Variants in MTG1 observed in about 807,000 individuals in gnomAD.
MTG1 encodes the protein mitochondrial ribosome-associated GTPase 1.
MTG1 carries 30 observed loss-of-function variants against 39.5 expected under a neutral mutation model. The ratio of observed to expected loss-of-function variants is 0.76; its 90% CI spans 0.57 to 1.03. MTG1 has a LOEUF of 1.03. MTG1 is among the 50% of genes least tolerant of loss of function. The pLI is 0.00. For synonymous variants in MTG1, 217 were observed against 179.0 expected (o/e 1.21, Z -1.69); for missense variants, 513 against 447.4 (o/e 1.15, Z -1.32).
chr10:133,396,962 C>T (rs931824545), intron 3 of MTG1, among the ~76,000 whole-genome samples: 6 of 152,096 alleles, frequency 3.9e-5, no homozygotes, highest in Non-Finnish European at 7.4e-5. Flanking sequence ...CTTAGCAGAC[C>T]GGGAAAGGGA....
At chr10:133,395,534 G>A (rs1849769360) in intron 1 of MTG1, among the ~76,000 whole-genome samples, 179 bp from the exon 2 acceptor site, 2 of 152,226 alleles carry the variant, frequency 1.3e-5, no homozygotes, top group East Asian at 3.8e-4. Context: ...CTCCGAGGGT[G>A]CGGACCTTGG....
At chr10:133,418,058 C>T (rs535011381) in intron 9 of MTG1, among the ~76,000 whole-genome samples, 2 of 152,334 alleles carry the variant, frequency 1.3e-5, no homozygotes, top group African/African-American at 2.4e-5. Flanking sequence ...GGCTACAGTG[C>T]AGTGGCACAA....
intron 1 of MTG1, chr10:133,394,597 T>A: frequency 7.7e-7 from 1 of 1,302,494 alleles, no homozygotes; most frequent in Non-Finnish European, 9.7e-7. Flanking sequence ...ACCTCCTACC[T>A]CTGGCCCGCC....
chr10:133,402,258 TGGGG>T lies in MTG1; in HGVS notation c.670+14_670+17del. ...CTGGCCCTGTGTGGTGAGCCGGGGC[TGGGG>T]CTGGGGCTGGGGCTGGGACCGGGGC... is the stretch of plus-strand genomic sequence containing the variant. On this transcript the variant is annotated intron_variant, in intron 8 of 10. Transcript: ENST00000317502. The surrounding 1 kb of genome is among the most constrained non-coding windows in gnomAD (Gnocchi z 4.7). The T allele has an allele frequency of 2.6e-6, 2 of 775,906 alleles. No individual in the cohort carries two copies. The highest frequency in any genetic ancestry group is 8.3e-5 in the African/African-American group (2 of 24,020). The allele number at this position is 775,906 out of a possible 1,614,324, so 48.1% of individuals were successfully genotyped here.
Position 133,402,696 on chromosome 10 carries a change from G to T in MTG1, c.675G>T (p.Thr225=), listed in dbSNP as rs752267174. The change falls in exon 9 of 11, where the codon ACG becomes ACT. Residue 225 remains threonine (T), a synonymous_variant. Transcript: ENST00000317502. The surrounding 1 kb of genome is among the most constrained non-coding windows in gnomAD (Gnocchi z 4.7). ...ETGLKLALCG[T]VLDHLVGEET... ...CCTCGGCTGCTGCTTCCACAGGAACGGTGCTGGACCACCTGGTCGGGGAGG... is the reference window on the plus strand; with the variant it reads ...CCTCGGCTGCTGCTTCCACAGGAACTGTGCTGGACCACCTGGTCGGGGAGG... 38 of 1,604,902 alleles carry T rather than the reference G, an allele frequency of 2.4e-5. No homozygotes were observed. The highest frequency in any genetic ancestry group is 3.3e-4 in the Middle Eastern group (2 of 5,978).
intron 9 of MTG1, among the ~76,000 whole-genome samples, chr10:133,413,461 C>T (rs1398093578): frequency 6.6e-6 from 1 of 152,140 alleles, no homozygotes; most frequent in Non-Finnish European, 1.5e-5. Flanking sequence ...GCCATGTTGG[C>T]CAGGCTGGTC....
Position 133,399,176 on chromosome 10 carries a change from C to G in MTG1, c.370C>G (p.Pro124Ala), listed in dbSNP as rs774612117. 1.2e-6 allele frequency: 2 copies of G among 1,614,146 alleles called. No individual in the cohort carries two copies. The highest frequency in any genetic ancestry group is 1.3e-5 in the African/African-American group (1 of 75,036). ...VKDENVKQII[P>A]MVTELIGRSH... is the part of the protein sequence containing the mutation. The stretch of plus-strand genomic sequence containing the variant: ...GAGTGGGTGTTTGTTGCAGATCATC[C>G]CGATGGTCACTGAACTGATTGGGAG... Residue 124 changes from proline to alanine, a missense_variant, in exon 5 of 11, where the codon CCG (proline) becomes GCG (alanine). By Grantham distance (27) the Pro-to-Ala change is conservative. Coordinates refer to ENST00000317502, the MANE Select transcript of MTG1 (RefSeq NM_138384.4).
rs188885101 is a variant in MTG1, at chr10:133,395,617, A to T, written c.113-96A>T. ...CCCTCAGATATAGTCTTTTTAGGTT[A>T]TTTATGGTGGCGTGTCATTCTGGAC... is the stretch of plus-strand genomic sequence containing the variant. On this transcript the variant is annotated intron_variant, in intron 1 of 10. Transcript: ENST00000317502. 4 of 1,147,324 alleles carry T rather than the reference A, an allele frequency of 3.5e-6. No homozygotes were observed. In the East Asian group the frequency reaches 9.8e-5, roughly 28 times the overall value. The allele number at this position is 1,147,324 out of a possible 1,614,324, so 71.1% of individuals were successfully genotyped here.
intron 9 of MTG1, among the ~76,000 whole-genome samples, chr10:133,412,429 C>G (rs185526781): frequency 6.6e-6 from 1 of 152,240 alleles, no homozygotes; most frequent in Non-Finnish European, 1.5e-5. Flanking sequence ...ATTCTATTAG[C>G]TCTTTGTAGA....
intron 9 of MTG1, among the ~76,000 whole-genome samples, chr10:133,417,733 A>T (rs1181188713): frequency 2.6e-5 from 4 of 152,208 alleles, no homozygotes. Flanking sequence ...ATACACCAAT[A>T]ACAGACAAAC....
chr10:133,405,147 C>T (rs971660052), intron 9 of MTG1, among the ~76,000 whole-genome samples: 5 of 152,078 alleles, frequency 3.3e-5, no homozygotes, highest in African/African-American at 1.2e-4. Flanking sequence ...AGTCTCTGAC[C>T]CGTGAATATA....
rs752671118 is a variant in MTG1, at chr10:133,419,521, T to C, written c.794T>C (p.Val265Ala). The C allele has an allele frequency of 1.2e-6, 2 of 1,609,494 alleles. No homozygotes were observed. The highest frequency in any genetic ancestry group is 1.7e-5 in the Admixed American group (1 of 59,524). Reference sequence around the variant, plus strand: ...GGCCTGGGCAGTGCCTGTGACAACGTAGAGCGCGTGCTGAAGAGTGTGGCT... The same window carrying C: ...GGCCTGGGCAGTGCCTGTGACAACGCAGAGCGCGTGCTGAAGAGTGTGGCT... ...HYGLGSACDN[V>A]ERVLKSVAVK... is the part of the protein sequence containing the mutation. Residue 265 changes from valine (V) to alanine (A), a missense_variant, in exon 10 of 11, where the codon GTA (valine) becomes GCA (alanine). Physicochemically the swap from Val to Ala is moderately conservative, Grantham distance 64. Coordinates refer to ENST00000317502, the MANE Select transcript of MTG1 (RefSeq NM_138384.4).
Position 133,401,284 on chromosome 10 carries a change from C to G in MTG1, c.512-245C>G, listed in dbSNP as rs890459860. The G allele has an allele frequency of 4.4e-4, 186 of 424,202 alleles. 1 individual carries two copies. Among genetic ancestry groups the G allele is most frequent in the Non-Finnish European group, 3.3e-4 (79 of 239,500 alleles). The allele number at this position is 424,202 out of a possible 1,614,324, so 26.3% of individuals were successfully genotyped here. A position where few individuals can be genotyped will look rare whatever the true frequency, so the allele number is the denominator to read the frequency against. On this transcript the variant is annotated intron_variant, in intron 6 of 10. Coordinates refer to ENST00000317502, the MANE Select transcript of MTG1 (RefSeq NM_138384.4). ...CTGTGTGGCTTGGAAAGTGCCCTTG[C>G]TGTGAGCTGGTTTGTGACTGAAAGT...
chr10:133,394,773 TCTC>T (rs1190708733), intron 1 of MTG1: 3 of 979,894 alleles, frequency 3.1e-6, no homozygotes, highest in Admixed American at 6.1e-5. Flanking sequence ...CTTGAGTCGT[TCTC>T]CTGCTTAACG....
At position 133,402,704 on chromosome 10, in the gene MTG1, A is replaced by C; in HGVS notation, c.683A>C (p.Asp228Ala). 2.5e-6 allele frequency: 4 copies of C among 1,606,938 alleles called. No homozygotes were observed. Among genetic ancestry groups the C allele is most frequent in the Non-Finnish European group, 3.4e-6 (4 of 1,177,110 alleles). Residue 228 changes from aspartate (D) to alanine (A), a missense_variant, in exon 9 of 11, where the codon GAC becomes GCC. Transcript: ENST00000317502. The surrounding 1 kb of genome is among the most constrained non-coding windows in gnomAD (Gnocchi z 4.7). ...GCTGCTTCCACAGGAACGGTGCTGGACCACCTGGTCGGGGAGGAGACCATG... is the reference window on the plus strand; with the variant it reads ...GCTGCTTCCACAGGAACGGTGCTGGCCCACCTGGTCGGGGAGGAGACCATG... ...LKLALCGTVL[D>A]HLVGEETMAD...
At chr10:133,400,643 C>T (rs533182295) in intron 6 of MTG1, among the ~76,000 whole-genome samples, 6 of 152,218 alleles carry the variant, frequency 3.9e-5, no homozygotes, top group Admixed American at 1.3e-4. Flanking sequence ...TATTTTTAAG[C>T]GTATTATTTT....
At chr10:133,400,797 G>A (rs1366872422) in intron 6 of MTG1, among the ~76,000 whole-genome samples, 1 of 152,192 alleles carries the variant, frequency 6.6e-6, no homozygotes, top group Non-Finnish European at 1.5e-5. Flanking sequence ...CTTTCTGTCT[G>A]TGAATTCGAT....
At chr10:133,409,122 G>A (rs1281132809) in intron 9 of MTG1, among the ~76,000 whole-genome samples, 1 of 151,562 alleles carries the variant, frequency 6.6e-6, no homozygotes, top group African/African-American at 2.4e-5. Flanking sequence ...GTGCCTTGAG[G>A]TTCATGGTTA....
At chr10:133,415,603 C>T (rs1420935431) in intron 9 of MTG1, among the ~76,000 whole-genome samples, 1 of 152,134 alleles carries the variant, frequency 6.6e-6, no homozygotes, top group Non-Finnish European at 1.5e-5. Context: ...CGTCTGTGGT[C>T]GTGTGTGTTT....
Sources: allele counts gnomAD v4.1 joint callset (sites outside exome capture counted in the v4.1 genomes callset), GRCh38; gene constraint gnomAD v4.1.1; non-coding constraint Gnocchi (gnomAD v3.1); transcripts MANE v1.5; gene names NCBI Gene and HGNC (gene_info 2026-07-23, HGNC 2026-07-21).